The following SUGCT variants were observed in gnomAD, a reference collection of about 807,000 sequenced individuals.
The protein encoded by SUGCT is succinyl-CoA:glutarate CoA-transferase.
A neutral mutation model predicts 55.0 loss-of-function variants in SUGCT; 41 were observed. The ratio of observed to expected loss-of-function variants is 0.74; its 90% CI spans 0.58 to 0.97. The LOEUF (loss-of-function observed/expected upper bound fraction) is 0.97. SUGCT is among the 50% of genes least tolerant of loss of function. The pLI, the probability that SUGCT is intolerant of heterozygous loss-of-function variation, is 0.00. For synonymous variants in SUGCT, 187 were observed against 200.4 expected (o/e 0.93, Z 0.56); for missense variants, 568 against 547.8 (o/e 1.04, Z -0.37).
Position 40,725,419 on chromosome 7 carries a change from C to T in SUGCT, c.1090-24015C>T, listed in dbSNP as rs564644299. Among the ~76,000 whole-genome samples, 15 of 152,220 alleles carry T rather than the reference C, an allele frequency of 9.9e-5. No individual in the cohort carries two copies. In the South Asian group the frequency reaches 2.3e-3, roughly 23 times the overall value. On this transcript the variant is annotated intron_variant, in intron 12 of 13. Coordinates refer to ENST00000335693, the MANE Select transcript of SUGCT (RefSeq NM_001193313.2). The stretch of plus-strand genomic sequence containing the variant: ...TACCCAAATGACACAATGCGTTTTC[C>T]GTGAACCCTTGCCCACTTTTAATCT...
chr7:40,486,682 C>A (rs1396353702), intron 11 of SUGCT, among the ~76,000 whole-genome samples: 1 of 149,474 alleles, frequency 6.7e-6, no homozygotes, highest in Non-Finnish European at 1.5e-5. Flanking sequence ...TTTATATTCA[C>A]GTCAAGAAAT....
intron 10 of SUGCT, 107 bp from the exon 11 acceptor site, chr7:40,458,994 C>A: frequency 2.9e-6 from 2 of 683,722 alleles, no homozygotes; most frequent in Non-Finnish European, 5.1e-6. Flanking sequence ...TAAAGACCAG[C>A]AAGGAATGTT....
At chr7:40,161,582 C>A (rs956268757) in intron 1 of SUGCT, among the ~76,000 whole-genome samples, 5 of 152,220 alleles carry the variant, frequency 3.3e-5, no homozygotes, top group African/African-American at 1.2e-4. Context: ...GCACTAAAGT[C>A]TTCCTTTTGG....
chr7:41,017,279 C>A, the SUGCT span, among the ~76,000 whole-genome samples: 8,702 of 152,192 alleles, frequency 0.057, 822 homozygotes, highest in African/African-American at 0.2. Context: ...AGCCCATTCA[C>A]GTCTCCATAT....
chr7:40,200,690 G>A (rs965886722), intron 6 of SUGCT, among the ~76,000 whole-genome samples: 8 of 152,078 alleles, frequency 5.3e-5, no homozygotes, highest in African/African-American at 1.9e-4. Flanking sequence ...GAGCAGTGGA[G>A]GGGTAGGATC....
rs184804608 is a variant in SUGCT, at chr7:40,653,450, A to G, written c.1090-95984A>G. On this transcript the variant is annotated intron_variant, in intron 12 of 13. Coordinates refer to ENST00000335693, the MANE Select transcript of SUGCT (RefSeq NM_001193313.2). ...CTTTGAAAATTTATAGCATGTTATG[A>G]ATTTATTGTCCATTACTTCTACTCT... 3.3e-3 allele frequency among the ~76,000 whole-genome samples: 510 copies of G among 152,300 alleles called. 4 individuals are homozygous for G. The highest frequency in any genetic ancestry group is 0.012 in the African/African-American group (487 of 41,564).
chr7:40,469,026 C>T (rs1021493082), intron 11 of SUGCT, among the ~76,000 whole-genome samples: 3 of 152,174 alleles, frequency 2.0e-5, no homozygotes, highest in Non-Finnish European at 4.4e-5. Context: ...TGAATTCCAC[C>T]TTTCCCTCAA....
intron 12 of SUGCT, among the ~76,000 whole-genome samples, chr7:40,727,941 A>G (rs977665577): frequency 5.3e-5 from 8 of 152,152 alleles, no homozygotes; most frequent in African/African-American, 1.7e-4. Flanking sequence ...TCTAGCATAT[A>G]TCTGTGTTAT....
In SUGCT at chr7:40,287,724, C is replaced by T. The variant is rs374032752; in HGVS notation, c.720+13068C>T. Among the ~76,000 whole-genome samples the T allele has an allele frequency of 7.9e-5, 12 of 152,208 alleles. No homozygotes were observed. In the East Asian group the frequency reaches 1.2e-3, roughly 15 times the overall value. ...ATGTTGCCCATGCTGGTCTCAAACT[C>T]CTGAGCTCAAGTGATCCTCCTGTCT... is the stretch of plus-strand genomic sequence containing the variant. On this transcript the variant is annotated intron_variant, in intron 8 of 13. Transcript: ENST00000335693.
chr7:40,464,562 G>T (rs1307494310), intron 11 of SUGCT, among the ~76,000 whole-genome samples: 1 of 152,160 alleles, frequency 6.6e-6, no homozygotes, highest in East Asian at 1.9e-4. Flanking sequence ...AAGTACAGAT[G>T]GTCCCCAACT....
intron 13 of SUGCT, among the ~76,000 whole-genome samples, chr7:40,854,971 T>G (rs949431121): frequency 6.6e-6 from 1 of 151,870 alleles, no homozygotes; most frequent in Non-Finnish European, 1.5e-5. Flanking sequence ...AAGCTCTACT[T>G]GTAGTTTTTA....
chr7:40,669,688 A>G (rs1028252046), intron 12 of SUGCT, among the ~76,000 whole-genome samples: 5 of 151,850 alleles, frequency 3.3e-5, no homozygotes, highest in Non-Finnish European at 5.9e-5. Context: ...TAACAGCAGA[A>G]TGAAGGGAAC....
chr7:40,487,636 C>T (rs181102656), intron 11 of SUGCT, among the ~76,000 whole-genome samples: 9 of 151,706 alleles, frequency 5.9e-5, no homozygotes, highest in East Asian at 3.9e-4. Flanking sequence ...ATTGTATTGC[C>T]GTTAATCTCT....
intron 12 of SUGCT, among the ~76,000 whole-genome samples, chr7:40,616,804 G>A (rs2151783564): frequency 6.6e-6 from 1 of 152,314 alleles, no homozygotes; most frequent in East Asian, 1.9e-4. Context: ...GGGAATGGAG[G>A]CCTCAAGTAG....
intron 12 of SUGCT, among the ~76,000 whole-genome samples, chr7:40,561,606 G>A (rs1284226581): frequency 2.0e-5 from 3 of 151,934 alleles, no homozygotes; most frequent in Non-Finnish European, 2.9e-5. Context: ...TAACTTGACA[G>A]GGGAGATAAC....
intron 1 of SUGCT, among the ~76,000 whole-genome samples, chr7:40,147,266 G>T (rs1441971359): frequency 6.6e-6 from 1 of 151,288 alleles, no homozygotes; most frequent in Non-Finnish European, 1.5e-5. Context: ...AGGTTTGTGT[G>T]AGGTTCAACC....
At chr7:40,439,596 C>T (rs1788388555) in intron 9 of SUGCT, among the ~76,000 whole-genome samples, 1 of 152,090 alleles carries the variant, frequency 6.6e-6, no homozygotes, top group Non-Finnish European at 1.5e-5. Flanking sequence ...TTAACTGGTC[C>T]CGGTGCTACG....
chr7:40,778,878 C>A (rs997920111), intron 13 of SUGCT, among the ~76,000 whole-genome samples: 1 of 152,154 alleles, frequency 6.6e-6, no homozygotes, highest in African/African-American at 2.4e-5. Context: ...ATGGCTTTTA[C>A]CAAGTACAAA....
intron 12 of SUGCT, among the ~76,000 whole-genome samples, chr7:40,678,284 C>G (rs536463482): frequency 1.7e-4 from 26 of 152,254 alleles, no homozygotes; most frequent in Non-Finnish European, 3.1e-4. Context: ...CCTATTTTAT[C>G]TCCTCTCTCA....
Sources: allele counts gnomAD v4.1 joint callset (sites outside exome capture counted in the v4.1 genomes callset), GRCh38; gene constraint gnomAD v4.1.1; transcripts MANE v1.5; gene names NCBI Gene and HGNC (gene_info 2026-07-23, HGNC 2026-07-21).